Variants in SHROOM4 observed in about 807,000 individuals in gnomAD.
SHROOM4 encodes protein Shroom4.
In SHROOM4, 17 loss-of-function variants were observed where a neutral mutation model predicts 80.3. That is an observed-to-expected ratio of 0.21 (90% CI 0.14 to 0.32). SHROOM4 has a LOEUF of 0.32. SHROOM4 is among the 10% of genes least tolerant of loss of function. The probability of loss-of-function intolerance (pLI) is 1.00; values close to 1 mark genes in which losing one functional copy is unlikely to be tolerated. For synonymous variants in SHROOM4, 400 were observed against 437.5 expected (o/e 0.91, Z 1.07); for missense variants, 993 against 1,140.3 (o/e 0.87, Z 1.86).
At chrX:50,786,431 G>C (rs782711064) in intron 1 of SHROOM4, among the ~76,000 whole-genome samples, 57 of 111,948 alleles carry the variant, frequency 5.1e-4, no homozygotes, top group Non-Finnish European at 7.0e-4. Flanking sequence ...GTTGGACCAC[G>C]TGTCCCGTGC....
At chrX:50,641,482 T>A (rs1288700589) in intron 2 of SHROOM4, among the ~76,000 whole-genome samples, 1 of 112,048 alleles carries the variant, frequency 8.9e-6, no homozygotes, top group African/African-American at 3.2e-5. Flanking sequence ...ACTATAATAA[T>A]GGTTATTAGC....
intron 2 of SHROOM4, among the ~76,000 whole-genome samples, chrX:50,667,026 G>C (rs1932713835): frequency 8.9e-6 from 1 of 111,964 alleles, no homozygotes; most frequent in Admixed American, 9.5e-5. Context: ...AAGGGTGCCA[G>C]AACAGCCAAC....
chrX:50,786,410 T>C (rs1935741043), intron 1 of SHROOM4, among the ~76,000 whole-genome samples: 1 of 111,643 alleles, frequency 9.0e-6, no homozygotes, highest in Non-Finnish European at 1.9e-5. Flanking sequence ...TTCTCTCTGG[T>C]GAGGAAAGGA....
At chrX:50,724,585 C>T (rs1557265748) in intron 1 of SHROOM4, among the ~76,000 whole-genome samples, 1 of 112,880 alleles carries the variant, frequency 8.9e-6, no homozygotes, top group Admixed American at 9.3e-5. Flanking sequence ...CTGCTTCAGC[C>T]TCCCGAGTAG....
chrX:50,810,490 T>C (rs782596354), intron 1 of SHROOM4, among the ~76,000 whole-genome samples: 3 of 111,476 alleles, frequency 2.7e-5, no homozygotes, highest in Non-Finnish European at 3.8e-5. Flanking sequence ...GGAGGTTCTC[T>C]GCCATTTTCC....
intron 2 of SHROOM4, among the ~76,000 whole-genome samples, chrX:50,695,167 C>G (rs1464563922): frequency 1.8e-5 from 2 of 111,401 alleles, no homozygotes; most frequent in African/African-American, 6.5e-5. Context: ...TTATACTCAC[C>G]CTTTAGCTTA....
chrX:50,586,315 A>G (rs1186722869), downstream of SHROOM4, among the ~76,000 whole-genome samples: 1 of 111,796 alleles, frequency 8.9e-6, no homozygotes, highest in Non-Finnish European at 1.9e-5. Context: ...AGCTGGAAAG[A>G]TTTTTTACTC....
intron 1 of SHROOM4, among the ~76,000 whole-genome samples, chrX:50,743,231 C>T (rs1454858275): frequency 9.3e-6 from 1 of 108,064 alleles, no homozygotes; most frequent in African/African-American, 3.4e-5. Context: ...TTCAAGGATC[C>T]CTGGTTCCTT....
chrX:50,581,730 T>A, the SHROOM4 span, among the ~76,000 whole-genome samples: 1 of 111,961 alleles, frequency 8.9e-6, no homozygotes, highest in South Asian at 3.7e-4. Flanking sequence ...CATTCCTATG[T>A]ATCTATGCCC....
intron 2 of SHROOM4, 72 bp downstream of exon 2, chrX:50,695,714 C>G: frequency 9.3e-7 from 1 of 1,072,970 alleles, no homozygotes; most frequent in Non-Finnish European, 1.3e-6. Context: ...AGAGACATGA[C>G]TCTATTGAGC....
chrX:50,750,282 C>T (rs929778059), intron 1 of SHROOM4, among the ~76,000 whole-genome samples: 17 of 111,550 alleles, frequency 1.5e-4, no homozygotes, highest in African/African-American at 3.9e-4. Flanking sequence ...TTTTTTGATA[C>T]GGAGTCTCAC....
chrX:50,769,478 G>T (rs1242550497), intron 1 of SHROOM4, among the ~76,000 whole-genome samples: 3 of 111,964 alleles, frequency 2.7e-5, no homozygotes, highest in African/African-American at 9.7e-5. Flanking sequence ...AGGCATATCT[G>T]TGCTGGTGGC....
chrX:50,794,522 C>T (rs1248717852), intron 1 of SHROOM4, among the ~76,000 whole-genome samples: 1 of 109,804 alleles, frequency 9.1e-6, no homozygotes. Flanking sequence ...TTCTGCAGGA[C>T]GCAGCATTTT....
At chrX:50,700,224 T>C (rs1294925304) in intron 1 of SHROOM4, among the ~76,000 whole-genome samples, 1 of 112,378 alleles carries the variant, frequency 8.9e-6, no homozygotes, top group East Asian at 2.8e-4. Flanking sequence ...TTTTGTTTTA[T>C]TGTTTTTGCA....
downstream of SHROOM4, among the ~76,000 whole-genome samples, chrX:50,582,804 T>C (rs1375835332): frequency 9.0e-6 from 1 of 111,477 alleles, no homozygotes. Flanking sequence ...ACCTCTATTA[T>C]TTAAAGTTTT....
chrX:50,597,217 T>C (rs1929153575), intron 8 of SHROOM4, among the ~76,000 whole-genome samples: 1 of 112,202 alleles, frequency 8.9e-6, no homozygotes. Flanking sequence ...TTTAACGCTG[T>C]CTTCAATGTA....
intron 1 of SHROOM4, among the ~76,000 whole-genome samples, chrX:50,789,335 A>G (rs1428810411): frequency 8.9e-6 from 1 of 112,224 alleles, no homozygotes; most frequent in Non-Finnish European, 1.9e-5. Flanking sequence ...CTAGAAATCA[A>G]TATCAGAAAA....
intron 1 of SHROOM4, among the ~76,000 whole-genome samples, chrX:50,762,336 T>C (rs1557268971): frequency 8.9e-6 from 1 of 112,361 alleles, no homozygotes; most frequent in East Asian, 2.8e-4. Flanking sequence ...TGTGCTGTCA[T>C]TGTTAAGTAT....
intron 2 of SHROOM4, among the ~76,000 whole-genome samples, chrX:50,651,648 T>A (rs782436743): frequency 8.1e-5 from 9 of 111,537 alleles, no homozygotes; most frequent in African/African-American, 2.6e-4. Flanking sequence ...TTTGTTACAT[T>A]GGTATACACG....
Sources: gnomAD v4.1 joint callset for allele counts (sites outside exome capture counted in the v4.1 genomes callset) on GRCh38, gnomAD v4.1.1 for gene constraint, MANE v1.5 for transcripts, NCBI Gene and HGNC (gene_info 2026-07-23, HGNC 2026-07-21) for gene names.